TTC6: variants seen among roughly 807,000 people sequenced by gnomAD.
The protein encoded by TTC6 is tetratricopeptide repeat protein 6.
Under a neutral mutation model 210.4 loss-of-function variants are expected in TTC6, and 172 were observed. The ratio of observed to expected loss-of-function variants is 0.82; its 90% CI spans 0.72 to 0.93. The LOEUF (loss-of-function observed/expected upper bound fraction) is 0.93. Ranked by LOEUF, TTC6 falls within the 40% of genes least tolerant of loss-of-function variation. The pLI is 0.00. For missense variants in TTC6, 2,414 were observed against 2,318.1 expected (o/e 1.04, Z -0.85); for synonymous variants, 804 against 819.6 (o/e 0.98, Z 0.32).
intron 1 of TTC6, among the ~76,000 whole-genome samples, chr14:37,599,477 C>T (rs992204234): frequency 2.0e-5 from 3 of 152,200 alleles, no homozygotes; most frequent in Non-Finnish European, 4.4e-5. Flanking sequence ...CCAGGGCTTT[C>T]ACTTATTTTA....
At chr14:37,661,685 A>G (rs971291681) in intron 1 of TTC6, among the ~76,000 whole-genome samples, 10 of 152,156 alleles carry the variant, frequency 6.6e-5, no homozygotes, top group South Asian at 2.1e-4. Context: ...ACTTTAAAAT[A>G]GTTTTTTTCT....
chr14:37,640,181 C>T (rs1391211595), intron 1 of TTC6, among the ~76,000 whole-genome samples: 1 of 151,392 alleles, frequency 6.6e-6, no homozygotes, highest in African/African-American at 2.4e-5. Flanking sequence ...AAATGATATG[C>T]TAATTTATTA....
At chr14:37,746,129 C>T (rs532811922) in intron 10 of TTC6, among the ~76,000 whole-genome samples, 5 of 152,090 alleles carry the variant, frequency 3.3e-5, no homozygotes, top group East Asian at 1.9e-4. Context: ...TTGTATCTAC[C>T]ATATCTGTAG....
At chr14:37,763,651 A>G (rs573188320) in intron 14 of TTC6, among the ~76,000 whole-genome samples, 7 of 152,012 alleles carry the variant, frequency 4.6e-5, no homozygotes, top group African/African-American at 9.7e-5. Flanking sequence ...GGTAGTAGCA[A>G]TGTTCACACT....
intron 4 of TTC6, among the ~76,000 whole-genome samples, chr14:37,700,581 A>G (rs950932684): frequency 2.6e-5 from 4 of 151,938 alleles, no homozygotes; most frequent in African/African-American, 9.6e-5. Context: ...CATCTCTACT[A>G]AAACCACAAA....
At chr14:37,672,655 C>T (rs1022501702) in intron 1 of TTC6, among the ~76,000 whole-genome samples, 10 of 152,038 alleles carry the variant, frequency 6.6e-5, no homozygotes, top group African/African-American at 1.7e-4. Context: ...CCTTCTGAAA[C>T]GAAAAGTCTG....
At chr14:37,745,910 C>G (rs944214585) in intron 10 of TTC6, among the ~76,000 whole-genome samples, 1 of 152,134 alleles carries the variant, frequency 6.6e-6, no homozygotes, top group African/African-American at 2.4e-5. Flanking sequence ...GGTCTGAAAG[C>G]TGGGTAAAAG....
intron 2 of TTC6, among the ~76,000 whole-genome samples, chr14:37,614,828 C>G (rs918304280): frequency 6.6e-6 from 1 of 152,040 alleles, no homozygotes; most frequent in Non-Finnish European, 1.5e-5. Context: ...CTCATTGCAG[C>G]CTCTGCCTCC....
At chr14:37,714,378 C>A (rs1308115158) in intron 5 of TTC6, among the ~76,000 whole-genome samples, 1 of 149,510 alleles carries the variant, frequency 6.7e-6, no homozygotes, top group Admixed American at 6.7e-5. Context: ...TTTTTTTTAA[C>A]CTCTTTTGCA....
chr14:37,759,852 G>A (rs1259844183), intron 14 of TTC6, among the ~76,000 whole-genome samples: 3 of 152,086 alleles, frequency 2.0e-5, no homozygotes, highest in Non-Finnish European at 1.5e-5. Context: ...GCTCCATCAG[G>A]TCATTTATCT....
intron 5 of TTC6, among the ~76,000 whole-genome samples, chr14:37,706,394 C>T (rs958402156): frequency 6.6e-6 from 1 of 152,066 alleles, no homozygotes; most frequent in African/African-American, 2.4e-5. Flanking sequence ...CTCTTGACTT[C>T]TCAACATTGG....
chr14:37,662,182 A>G (rs1354142980), intron 1 of TTC6, among the ~76,000 whole-genome samples: 1 of 152,162 alleles, frequency 6.6e-6, no homozygotes, highest in East Asian at 1.9e-4. Context: ...AGAACTTCCA[A>G]TACTATGTTA....
At chr14:37,646,419 G>T (rs913243723) in intron 1 of TTC6, among the ~76,000 whole-genome samples, 1 of 152,024 alleles carries the variant, frequency 6.6e-6, no homozygotes, top group East Asian at 1.9e-4. Context: ...TGCTTAAAAA[G>T]ACCTTGGAAG....
At chr14:37,814,124 A>G (rs2096136050) in intron 25 of TTC6, among the ~76,000 whole-genome samples, 1 of 152,210 alleles carries the variant, frequency 6.6e-6, no homozygotes, top group African/African-American at 2.4e-5. Flanking sequence ...CACACTTAGA[A>G]TAAAATCTGA....
chr14:37,823,970 C>CA lies in TTC6; in HGVS notation c.4974+14dup. The CA allele has an allele frequency of 1.9e-6, 3 of 1,608,016 alleles. No homozygotes were observed. Among genetic ancestry groups the CA allele is most frequent in the Non-Finnish European group, 2.6e-6 (3 of 1,174,982 alleles). ...CTATAATTTGCAGGTAATATAGCAA[C>CA]ATTTTGAGCATTAAAAGCATGTTTT... On this transcript the variant is annotated intron_variant, in intron 27 of 30. Transcript: ENST00000553443.
intron 20 of TTC6, among the ~76,000 whole-genome samples, chr14:37,803,554 AG>A (rs1479745406): frequency 6.6e-6 from 1 of 152,144 alleles, no homozygotes; most frequent in African/African-American, 2.4e-5. Context: ...GGAAGGCTTG[AG>A]TAGACAAGTT....
At chr14:37,623,500 T>A (rs2095655160) in intron 1 of TTC6, among the ~76,000 whole-genome samples, 1 of 152,260 alleles carries the variant, frequency 6.6e-6, no homozygotes, top group Admixed American at 6.5e-5. Flanking sequence ...TTTTAAAAAC[T>A]TTATTTTCTA....
At chr14:37,750,101 A>T (rs1410794767) in intron 12 of TTC6, among the ~76,000 whole-genome samples, 1 of 152,170 alleles carries the variant, frequency 6.6e-6, no homozygotes, top group Non-Finnish European at 1.5e-5. Flanking sequence ...TCTCACAACG[A>T]AAGAATATGA....
At chr14:37,702,406 T>C (rs55822659) in intron 5 of TTC6, among the ~76,000 whole-genome samples, 32,025 of 152,018 alleles carry the variant, frequency 0.21, 3,749 homozygotes, top group South Asian at 0.28. Flanking sequence ...TTATATACTA[T>C]ATGAATGTAT....
Sources: allele counts gnomAD v4.1 joint callset (sites outside exome capture counted in the v4.1 genomes callset), GRCh38; gene constraint gnomAD v4.1.1; transcripts MANE v1.5; gene names NCBI Gene and HGNC (gene_info 2026-07-23, HGNC 2026-07-21).